The following AKAP6 variants were observed in gnomAD, a reference collection of about 807,000 sequenced individuals.
AKAP6 encodes the protein A-kinase anchoring protein 6.
Under a neutral mutation model 188.5 loss-of-function variants are expected in AKAP6, and 58 were observed. The ratio of observed to expected loss-of-function variants is 0.31; its 90% CI spans 0.25 to 0.38. The LOEUF (loss-of-function observed/expected upper bound fraction) is 0.38, where lower values mean the gene tolerates loss of function less well. Among genes scored for constraint, AKAP6 ranks in the 10% least tolerant of loss-of-function variants. The pLI, the probability that AKAP6 is intolerant of heterozygous loss-of-function variation, is 1.00. For missense variants in AKAP6, 2,710 were observed against 2,740.0 expected (o/e 0.99, Z 0.24); for synonymous variants, 989 against 998.6 (o/e 0.99, Z 0.18).
At chr14:32,686,680 G>T (rs1889938853) in intron 8 of AKAP6, among the ~76,000 whole-genome samples, 1 of 152,194 alleles carries the variant, frequency 6.6e-6, no homozygotes, top group South Asian at 2.1e-4. Flanking sequence ...CAGGAACTAG[G>T]TAGGGGGAGT....
At chr14:32,705,814 C>T (rs1890790375) in intron 9 of AKAP6, among the ~76,000 whole-genome samples, 1 of 152,124 alleles carries the variant, frequency 6.6e-6, no homozygotes, top group African/African-American at 2.4e-5. Flanking sequence ...TTGGCATTGT[C>T]CTCACTCTTA....
In AKAP6 at chr14:32,760,757, A is replaced by G. The variant is rs531558266; in HGVS notation, c.3373-12921A>G. ...TTCTCCTAGATCTTCACTTTGTTTT[A>G]GCTATAAGAGTGTTTGATGAATGAA... On this transcript the variant is annotated intron_variant, in intron 11 of 13. Coordinates refer to ENST00000280979, the MANE Select transcript of AKAP6 (RefSeq NM_004274.5). Among the ~76,000 whole-genome samples the G allele has an allele frequency of 1.3e-4, 20 of 152,308 alleles. No individual in the cohort carries two copies. In the East Asian group the frequency reaches 3.7e-3, roughly 28 times the overall value.
intron 8 of AKAP6, among the ~76,000 whole-genome samples, chr14:32,680,142 C>G (rs1054426003): frequency 6.6e-6 from 1 of 152,166 alleles, no homozygotes; most frequent in Admixed American, 6.5e-5. Context: ...AAGCATTGTT[C>G]TGTGAAGTGG....
chr14:32,452,133 C>T (rs1022127249), intron 2 of AKAP6, among the ~76,000 whole-genome samples: 6 of 151,056 alleles, frequency 4.0e-5, no homozygotes, highest in Admixed American at 2.6e-4. Context: ...GCAATCCTCC[C>T]ACCTCAGCTT....
intron 1 of AKAP6, among the ~76,000 whole-genome samples, chr14:32,395,906 G>A (rs1888864473): frequency 6.6e-6 from 1 of 152,120 alleles, no homozygotes; most frequent in Non-Finnish European, 1.5e-5. Flanking sequence ...AGGACCCACT[G>A]TTATTTATCA....
In AKAP6 at chr14:32,370,749, A is replaced by C. The variant is rs1887978972; in HGVS notation, c.-35+41341A>C. On this transcript the variant is annotated intron_variant, in intron 1 of 13. Coordinates refer to ENST00000280979, the MANE Select transcript of AKAP6 (RefSeq NM_004274.5). ...ATGAAGGCTCTGAAAATGGAAAAAA[A>C]TGAGAAAATGATTAAAGATCTTTTT... 3.3e-5 allele frequency among the ~76,000 whole-genome samples: 5 copies of C among 152,226 alleles called. No individual in the cohort carries two copies. The South Asian group carries it at 1.0e-3, about 32-fold the overall frequency.
At chr14:32,598,536 A>G (rs1404600303) in intron 5 of AKAP6, among the ~76,000 whole-genome samples, 1 of 152,202 alleles carries the variant, frequency 6.6e-6, no homozygotes, top group African/African-American at 2.4e-5. Flanking sequence ...GCAAACATCT[A>G]TTGAACAACT....
At chr14:32,524,297 CCT>C (rs1190127536) in intron 2 of AKAP6, among the ~76,000 whole-genome samples, 1 of 152,066 alleles carries the variant, frequency 6.6e-6, no homozygotes, top group East Asian at 1.9e-4. Context: ...AGGGATGAAG[CCT>C]CTGTGATGGA....
intron 11 of AKAP6, among the ~76,000 whole-genome samples, chr14:32,745,513 C>CTT (rs1232737455): frequency 0.013 from 2,015 of 150,136 alleles, 24 homozygotes; most frequent in Middle Eastern, 0.027. Flanking sequence ...CTCTCTCTCT[C>CTT]TCTCTGTCTG....
chr14:32,670,656 A>G (rs1440727340), intron 7 of AKAP6, among the ~76,000 whole-genome samples: 1 of 152,160 alleles, frequency 6.6e-6, no homozygotes, highest in African/African-American at 2.4e-5. Flanking sequence ...TCTTCCAAAT[A>G]CAAACTCTGC....
intron 5 of AKAP6, among the ~76,000 whole-genome samples, chr14:32,590,813 G>A (rs1566592874): frequency 6.6e-6 from 1 of 152,248 alleles, no homozygotes; most frequent in East Asian, 1.9e-4. Flanking sequence ...TAATTTCAGA[G>A]GTAAATGTTA....
Position 32,604,129 on chromosome 14 carries a change from G to A in AKAP6, c.2730+3337G>A, listed in dbSNP as rs546892948. On this transcript the variant is annotated intron_variant, in intron 7 of 13. Transcript: ENST00000280979. ...TATTCCAAAAGTGAAAATACCTTGA[G>A]TCACATCAGCTTACCAAGAATAACA... Among the ~76,000 whole-genome samples the A allele has an allele frequency of 2.1e-3, 318 of 152,224 alleles. 1 individual carries two copies. Among genetic ancestry groups the A allele is most frequent in the African/African-American group, 7.3e-3 (304 of 41,546 alleles).
intron 1 of AKAP6, among the ~76,000 whole-genome samples, chr14:32,388,532 A>T (rs1014997334): frequency 6.6e-6 from 1 of 152,012 alleles, no homozygotes; most frequent in Non-Finnish European, 1.5e-5. Flanking sequence ...TATGACCCAG[A>T]GGTTTGGTAG....
At chr14:32,491,758 A>G (rs1880027744) in intron 2 of AKAP6, among the ~76,000 whole-genome samples, 2 of 152,224 alleles carry the variant, frequency 1.3e-5, no homozygotes, top group African/African-American at 4.8e-5. Context: ...TCTTATGTTT[A>G]TACCAACATC....
intron 7 of AKAP6, among the ~76,000 whole-genome samples, chr14:32,673,819 G>A (rs1889321150): frequency 6.6e-6 from 1 of 152,138 alleles, no homozygotes; most frequent in East Asian, 1.9e-4. Context: ...TCATGTTCCA[G>A]ATATTGCCAG....
intron 12 of AKAP6, among the ~76,000 whole-genome samples, chr14:32,809,314 A>T (rs963583739): frequency 6.6e-6 from 1 of 152,244 alleles, no homozygotes. Context: ...TTTAAGTGTT[A>T]AAAAATTTCA....
intron 12 of AKAP6, among the ~76,000 whole-genome samples, chr14:32,783,420 C>G (rs929318279): frequency 1.3e-5 from 2 of 151,840 alleles, no homozygotes; most frequent in African/African-American, 4.8e-5. Context: ...TATGCATATT[C>G]TTATATCAAA....
intron 7 of AKAP6, among the ~76,000 whole-genome samples, chr14:32,629,677 ATTTT>A (rs5807670): frequency 1.4e-5 from 2 of 141,162 alleles, no homozygotes; most frequent in Non-Finnish European, 1.5e-5. Flanking sequence ...GCATATAAGC[ATTTT>A]TTTTTTTTTT....
rs1882639475 is a variant in AKAP6 at position 32,535,666 on chromosome 14, C to T, written c.437C>T (p.Ala146Val). The T allele has an allele frequency of 1.2e-6, 2 of 1,614,106 alleles. No individual in the cohort carries two copies. Among genetic ancestry groups the T allele is most frequent in the Non-Finnish European group, 1.7e-6 (2 of 1,180,030 alleles). Residue 146 changes from alanine (A) to valine (V), a missense_variant, in exon 3 of 14, where the codon GCA becomes GTA. Physicochemically the swap from Ala to Val is moderately conservative, Grantham distance 64. This residue lies in a region of AKAP6 where 237 missense variants were observed against 313.9 expected (regional missense o/e 0.76). Coordinates refer to ENST00000280979, the MANE Select transcript of AKAP6 (RefSeq NM_004274.5). ...YSVNVIVDIH[A>V]VQLLWHQLRV... ...GTCAACGTGATAGTGGACATCCACG[C>T]AGTGCAGCTCCTCTGGCACCAGCTT...
Sources: gnomAD v4.1 joint callset for allele counts (sites outside exome capture counted in the v4.1 genomes callset) on GRCh38, gnomAD v4.1.1 for gene constraint, gnomAD v4.1.1 regional missense constraint, MANE v1.5 for transcripts, NCBI Gene and HGNC (gene_info 2026-07-23, HGNC 2026-07-21) for gene names.